ME3: variants seen among roughly 807,000 people sequenced by gnomAD.
ME3 encodes the protein malic enzyme 3.
In ME3, 48 loss-of-function variants were observed where a neutral mutation model predicts 68.9. The observed-to-expected ratio is 0.70, with a 90% CI of 0.55 to 0.89. The LOEUF (loss-of-function observed/expected upper bound fraction) is 0.89, where lower values mean the gene tolerates loss of function less well. Ranked by LOEUF, ME3 falls within the 40% of genes least tolerant of loss-of-function variation. The probability of loss-of-function intolerance (pLI) is 0.00; values close to 1 mark genes in which losing one functional copy is unlikely to be tolerated. For missense variants in ME3, 675 were observed against 797.4 expected (o/e 0.85, Z 1.85); for synonymous variants, 320 against 318.8 (o/e 1.00, Z -0.04).
chr11:86,551,902 C>A (rs1956707098), intron 4 of ME3, among the ~76,000 whole-genome samples: 1 of 152,234 alleles, frequency 6.6e-6, no homozygotes, highest in African/African-American at 2.4e-5. Flanking sequence ...TCTAACTCAT[C>A]ACAGCCCGAT....
intron 2 of ME3, among the ~76,000 whole-genome samples, chr11:86,603,996 A>T (rs898228691): frequency 1.3e-5 from 2 of 150,738 alleles, no homozygotes; most frequent in Non-Finnish European, 3.0e-5. Context: ...CCTAATGCTA[A>T]ATGATGAGTT....
At chr11:86,502,960 AG>A (rs1402369518) in intron 5 of ME3, among the ~76,000 whole-genome samples, 2 of 152,138 alleles carry the variant, frequency 1.3e-5, no homozygotes, top group African/African-American at 2.4e-5. Flanking sequence ...CATAGCTACA[AG>A]GGTTGCCCAC....
chr11:86,458,674 G>A, intron 8 of ME3, among the ~76,000 whole-genome samples: 1 of 152,126 alleles, frequency 6.6e-6, no homozygotes, highest in Middle Eastern at 3.2e-3. Flanking sequence ...GAGACCAGGG[G>A]AAGTTTCATG....
intron 5 of ME3, among the ~76,000 whole-genome samples, chr11:86,500,616 T>C (rs1479616896): frequency 6.6e-6 from 1 of 152,100 alleles, no homozygotes; most frequent in Admixed American, 6.6e-5. Flanking sequence ...TAGAATAGAG[T>C]CCAAAATACT....
chr11:86,604,335 A>G (rs765887678), intron 2 of ME3, among the ~76,000 whole-genome samples: 28 of 152,050 alleles, frequency 1.8e-4, no homozygotes, highest in Non-Finnish European at 3.5e-4. Context: ...TTTCAGGTTA[A>G]ATTTTAGAAT....
At chr11:86,595,153 T>C (rs1032450589) in intron 2 of ME3, among the ~76,000 whole-genome samples, 1 of 144,774 alleles carries the variant, frequency 6.9e-6, no homozygotes, top group African/African-American at 2.6e-5. Flanking sequence ...GATAAGCATA[T>C]GTATGGAAAT....
chr11:86,522,018 A>T (rs1954351385), intron 4 of ME3, among the ~76,000 whole-genome samples: 2 of 152,218 alleles, frequency 1.3e-5, no homozygotes, highest in Non-Finnish European at 2.9e-5. Context: ...GGGAGGCCGA[A>T]GTTGGTAGAT....
chr11:86,620,724 C>T (rs1455937690), intron 2 of ME3, among the ~76,000 whole-genome samples: 2 of 152,242 alleles, frequency 1.3e-5, no homozygotes, highest in Admixed American at 1.3e-4. Context: ...ATACAGGCAC[C>T]TCTACCAGGT....
At chr11:86,460,170 C>G (rs1950161209) in intron 8 of ME3, among the ~76,000 whole-genome samples, 1 of 152,236 alleles carries the variant, frequency 6.6e-6, no homozygotes, top group Non-Finnish European at 1.5e-5. Flanking sequence ...TTCCAAAATT[C>G]CTGAGAGGCT....
intron 2 of ME3, among the ~76,000 whole-genome samples, chr11:86,592,268 T>C (rs1197809869): frequency 1.3e-5 from 2 of 152,186 alleles, no homozygotes; most frequent in African/African-American, 2.4e-5. Flanking sequence ...TGCTTTTTTT[T>C]CTAAAGCACC....
intron 2 of ME3, among the ~76,000 whole-genome samples, chr11:86,653,105 G>C (rs570529947): frequency 6.6e-6 from 1 of 152,218 alleles, no homozygotes; most frequent in South Asian, 2.1e-4. Context: ...CAAGTCCTTA[G>C]AGACCTACAA....
chr11:86,600,584 G>C (rs945344944), intron 2 of ME3, among the ~76,000 whole-genome samples: 1 of 150,782 alleles, frequency 6.6e-6, no homozygotes, highest in Non-Finnish European at 1.5e-5. Flanking sequence ...ATTGAACTCA[G>C]CTCTGCACCA....
Position 86,557,769 on chromosome 11 carries a change from G to A in ME3, c.318-1067C>T, listed in dbSNP as rs565562324. On this transcript the variant is annotated intron_variant, in intron 3 of 14. Coordinates refer to ENST00000543262, the Ensembl canonical transcript of ME3. ...CCAGTGTGGGATTCTCTTACCCAGT[G>A]GCCATTTGTGCACATCTTTTCTCAA... 1.8e-4 allele frequency among the ~76,000 whole-genome samples: 27 copies of A among 152,246 alleles called. 1 individual carries two copies. The highest frequency in any genetic ancestry group is 3.5e-4 in the Non-Finnish European group (24 of 68,014).
chr11:86,533,947 C>G (rs1184229371), intron 4 of ME3, among the ~76,000 whole-genome samples: 1 of 152,046 alleles, frequency 6.6e-6, no homozygotes, highest in African/African-American at 2.4e-5. Flanking sequence ...CCTATTGCTC[C>G]TAGGCTACAA....
chr11:86,619,532 G>A (rs1943209783), intron 2 of ME3, among the ~76,000 whole-genome samples: 1 of 152,214 alleles, frequency 6.6e-6, no homozygotes, highest in African/African-American at 2.4e-5. Flanking sequence ...TGAATCACAG[G>A]AGGGGTTTCC....
At chr11:86,564,669 AC>A (rs2139502517) in intron 2 of ME3, among the ~76,000 whole-genome samples, 1 of 152,272 alleles carries the variant, frequency 6.6e-6, no homozygotes, top group African/African-American at 2.4e-5. Context: ...ATAAAATTGG[AC>A]CCCTAACTCA....
intron 2 of ME3, among the ~76,000 whole-genome samples, chr11:86,593,083 T>C (rs1959148542): frequency 6.6e-6 from 1 of 152,194 alleles, no homozygotes; most frequent in Admixed American, 6.5e-5. Flanking sequence ...TTCCTGGAGA[T>C]GACTGTGGCC....
chr11:86,601,384 C>T (rs536769588), intron 2 of ME3, among the ~76,000 whole-genome samples: 1 of 152,138 alleles, frequency 6.6e-6, no homozygotes, highest in East Asian at 1.9e-4. Flanking sequence ...ACACATACAC[C>T]CTCCCAAGAC....
intron 8 of ME3, chr11:86,457,768 G>A: frequency 7.9e-7 from 1 of 1,269,610 alleles, no homozygotes; most frequent in Non-Finnish European, 1.0e-6. Flanking sequence ...TCCTATTCAT[G>A]GTAAAAGAAA....
Sources: gnomAD v4.1 joint callset for allele counts (sites outside exome capture counted in the v4.1 genomes callset) on GRCh38, gnomAD v4.1.1 for gene constraint, MANE v1.5 for transcripts, NCBI Gene and HGNC (gene_info 2026-07-23, HGNC 2026-07-21) for gene names.